Variants in MCTP1 observed in about 807,000 individuals in gnomAD.
MCTP1 encodes the protein multiple C2 and transmembrane domain containing 1, also known as multiple C2 and transmembrane domain-containing protein 1.
Under a neutral mutation model 120.6 loss-of-function variants are expected in MCTP1, and 69 were observed. That is an observed-to-expected ratio of 0.57 (90% CI 0.47 to 0.70). MCTP1 has a LOEUF of 0.70. Ranked by LOEUF, MCTP1 falls within the 30% of genes least tolerant of loss-of-function variation. The pLI is 0.00. For synonymous variants in MCTP1, 529 were observed against 493.1 expected (o/e 1.07, Z -0.96); for missense variants, 1,203 against 1,248.8 (o/e 0.96, Z 0.55).
At chr5:94,814,442 A>G (rs893477545) in intron 17 of MCTP1, among the ~76,000 whole-genome samples, 11 of 152,226 alleles carry the variant, frequency 7.2e-5, no homozygotes, top group Non-Finnish European at 1.5e-4. Context: ...AGTTCAGAGA[A>G]GTTTCACTAA....
Position 94,705,548 on chromosome 5 carries a change from GATT to G in MCTP1, c.*1945_*1947del, listed in dbSNP as rs992922276. 2 of 146,012 alleles carry G rather than the reference GATT, an allele frequency of 1.4e-5. No individual in the cohort carries two copies. Among genetic ancestry groups the G allele is most frequent in the Non-Finnish European group, 3.0e-5 (2 of 66,598 alleles). 9.0% of individuals were successfully genotyped at this position (146,012 alleles called of 1,614,324 possible). Reference sequence around the variant, plus strand: ...AGGAGTGCTGATTATACGTGGGAAAGATTATTTTCTTTTGTATTTAATACAGTG... The same window carrying G: ...AGGAGTGCTGATTATACGTGGGAAAGATTTTCTTTTGTATTTAATACAGTG... On this transcript the variant is annotated 3_prime_UTR_variant, in exon 23 of 23. Coordinates refer to ENST00000515393, the MANE Select transcript of MCTP1 (RefSeq NM_024717.7).
chr5:95,067,215 T>C lies in MCTP1; in HGVS notation c.721-49731A>G, dbSNP rs186031855. On this transcript the variant is annotated intron_variant, in intron 1 of 22. Transcript: ENST00000515393. ...GCTGGAATAACTTCTGGAATTCTAT[T>C]GCACAGCAGGGTGAGTATAATTAAC... Among the ~76,000 whole-genome samples the C allele has an allele frequency of 1.8e-3, 270 of 152,306 alleles. 6 individuals carry two copies. Among genetic ancestry groups the C allele is most frequent in the Admixed American group, 0.016 (238 of 15,292 alleles).
intron 1 of MCTP1, among the ~76,000 whole-genome samples, chr5:95,257,147 T>C (rs1044276425): frequency 2.0e-5 from 3 of 152,166 alleles, no homozygotes; most frequent in African/African-American, 7.2e-5. Flanking sequence ...TTTAACAATA[T>C]TGTGGTTTGC....
At chr5:95,282,430 TAA>T (rs932036484) in intron 1 of MCTP1, among the ~76,000 whole-genome samples, 1 of 152,206 alleles carries the variant, frequency 6.6e-6, no homozygotes, top group African/African-American at 2.4e-5. Context: ...GAAAAAAATG[TAA>T]AGTTCCCCAA....
chr5:94,790,471 G>A (rs1419485911), intron 18 of MCTP1, among the ~76,000 whole-genome samples: 1 of 152,212 alleles, frequency 6.6e-6, no homozygotes, highest in Non-Finnish European at 1.5e-5. Flanking sequence ...AACCATTAGG[G>A]TTCATCATGG....
At chr5:95,195,078 G>T (rs987083788) in intron 1 of MCTP1, among the ~76,000 whole-genome samples, 2 of 152,188 alleles carry the variant, frequency 1.3e-5, no homozygotes, top group African/African-American at 4.8e-5. Flanking sequence ...TCCTGAGACA[G>T]GAGATGGCAG....
intron 17 of MCTP1, among the ~76,000 whole-genome samples, chr5:94,820,402 G>A (rs1197056587): frequency 5.3e-5 from 8 of 152,120 alleles, no homozygotes; most frequent in Admixed American, 5.2e-4. Flanking sequence ...GCTCTAATGG[G>A]ACCTTCTTTA....
chr5:95,225,722 C>G (rs900708349), intron 1 of MCTP1, among the ~76,000 whole-genome samples: 1 of 152,106 alleles, frequency 6.6e-6, no homozygotes, highest in Non-Finnish European at 1.5e-5. Flanking sequence ...TTTACATCTT[C>G]TTGCTCCGTT....
chr5:95,068,286 AAG>A (rs142686646), intron 1 of MCTP1, among the ~76,000 whole-genome samples: 4,068 of 152,258 alleles, frequency 0.027, 58 homozygotes, highest in Admixed American at 0.037. Flanking sequence ...ACAGAGGAGA[AAG>A]AGAGAGACAG....
intron 19 of MCTP1, among the ~76,000 whole-genome samples, chr5:94,721,617 A>C (rs1417350868): frequency 6.6e-6 from 1 of 152,188 alleles, no homozygotes; most frequent in Non-Finnish European, 1.5e-5. Flanking sequence ...TCAATGAAGT[A>C]ATTACTCTTT....
rs372894926 is a variant in MCTP1 at position 95,041,075 on chromosome 5, G to GT, written c.721-23592dup. 6.2e-3 allele frequency among the ~76,000 whole-genome samples: 931 copies of GT among 151,240 alleles called. 7 individuals are homozygous for GT. Among genetic ancestry groups the GT allele is most frequent in the Non-Finnish European group, 0.011 (749 of 67,746 alleles). On this transcript the variant is annotated intron_variant, in intron 1 of 22. Transcript: ENST00000515393. The stretch of plus-strand genomic sequence containing the variant: ...CCCTTTATAATTTAAGTCAGTTCGA[G>GT]TTTTTTTTTGTTACTTGCAACCCAA...
At chr5:94,826,008 C>T (rs908897676) in intron 17 of MCTP1, 7 of 312,770 alleles carry the variant, frequency 2.2e-5, no homozygotes, top group Non-Finnish European at 4.3e-5. Flanking sequence ...GTTGCATCTC[C>T]ACCTTCTACA....
At chr5:95,214,098 T>G (rs1270629742) in intron 1 of MCTP1, among the ~76,000 whole-genome samples, 1 of 152,252 alleles carries the variant, frequency 6.6e-6, no homozygotes, top group Non-Finnish European at 1.5e-5. Flanking sequence ...TGGGAGAAAA[T>G]TTTGGCAACC....
At chr5:95,257,530 A>G (rs1286845155) in intron 1 of MCTP1, among the ~76,000 whole-genome samples, 1 of 152,138 alleles carries the variant, frequency 6.6e-6, no homozygotes, top group Non-Finnish European at 1.5e-5. Flanking sequence ...TTATATACAC[A>G]TACAATTCAT....
At chr5:95,105,058 G>A (rs1756989929) in intron 1 of MCTP1, among the ~76,000 whole-genome samples, 1 of 152,084 alleles carries the variant, frequency 6.6e-6, no homozygotes, top group Non-Finnish European at 1.5e-5. Flanking sequence ...CTAAAAGTAG[G>A]CCTATAACAA....
At chr5:95,078,684 C>T (rs982959432) in intron 1 of MCTP1, among the ~76,000 whole-genome samples, 1 of 152,116 alleles carries the variant, frequency 6.6e-6, no homozygotes, top group Non-Finnish European at 1.5e-5. Flanking sequence ...AGGATTCTAA[C>T]AGAAGGTGGC....
intron 2 of MCTP1, among the ~76,000 whole-genome samples, chr5:94,954,668 TTGAATAATCTTCAC>T (rs1269531079): frequency 6.6e-6 from 1 of 152,206 alleles, no homozygotes; most frequent in Non-Finnish European, 1.5e-5. Flanking sequence ...TAAAAAGATG[TTGAATAATCTTCAC>T]TGATTTAAAT....
rs535831797 is a variant in MCTP1 at position 94,887,469 on chromosome 5, G to A, written c.1933+1410C>T. 2.0e-5 allele frequency among the ~76,000 whole-genome samples: 3 copies of A among 152,140 alleles called. No homozygotes were observed. In the South Asian group the frequency reaches 6.2e-4, roughly 32 times the overall value. On this transcript the variant is annotated intron_variant, in intron 12 of 22. Coordinates refer to ENST00000515393, the MANE Select transcript of MCTP1 (RefSeq NM_024717.7). ...TTCTATCCAATTATATAATGGGCAG[G>A]TATCTAAGCTTTTGAAATAAATGGT...
At chr5:95,244,807 C>T (rs1047758422) in intron 1 of MCTP1, among the ~76,000 whole-genome samples, 2 of 152,168 alleles carry the variant, frequency 1.3e-5, no homozygotes, top group African/African-American at 4.8e-5. Flanking sequence ...ATGTAAACGT[C>T]CCCATCTGAC....
Sources: gnomAD v4.1 joint callset for allele counts (sites outside exome capture counted in the v4.1 genomes callset) on GRCh38, gnomAD v4.1.1 for gene constraint, MANE v1.5 for transcripts, NCBI Gene and HGNC (gene_info 2026-07-23, HGNC 2026-07-21) for gene names.